SNTG1: variants seen among roughly 807,000 people sequenced by gnomAD.
The protein encoded by SNTG1 is gamma-1-syntrophin.
SNTG1 carries 39 observed loss-of-function variants against 74.7 expected under a neutral mutation model. The ratio of observed to expected loss-of-function variants is 0.52; its 90% CI spans 0.40 to 0.68. The LOEUF (loss-of-function observed/expected upper bound fraction) is 0.68. Among genes scored for constraint, SNTG1 ranks in the 30% least tolerant of loss-of-function variants. The pLI, the probability that SNTG1 is intolerant of heterozygous loss-of-function variation, is 0.00. For synonymous variants in SNTG1, 254 were observed against 217.1 expected (o/e 1.17, Z -1.49); for missense variants, 685 against 609.5 (o/e 1.12, Z -1.30).
intron 13 of SNTG1, among the ~76,000 whole-genome samples, chr8:50,598,597 T>A (rs2094748681): frequency 6.6e-6 from 1 of 152,018 alleles, no homozygotes; most frequent in African/African-American, 2.4e-5. Flanking sequence ...TGAACATTGC[T>A]TTAAAAAATC....
chr8:50,257,419 G>A (rs1322273420), intron 2 of SNTG1, among the ~76,000 whole-genome samples: 1 of 152,154 alleles, frequency 6.6e-6, no homozygotes, highest in Non-Finnish European at 1.5e-5. Flanking sequence ...GTGGTGCAGA[G>A]TTTCTGCCAA....
chr8:50,190,876 A>T (rs142363172), intron 2 of SNTG1, among the ~76,000 whole-genome samples: 1 of 152,144 alleles, frequency 6.6e-6, no homozygotes, highest in Non-Finnish European at 1.5e-5. Context: ...GCTAGAGCAT[A>T]TGAAGAAACA....
At chr8:50,188,142 A>G (rs940454285) in intron 2 of SNTG1, among the ~76,000 whole-genome samples, 1 of 152,156 alleles carries the variant, frequency 6.6e-6, no homozygotes, top group Non-Finnish European at 1.5e-5. Flanking sequence ...ATTCTCAAAG[A>G]ACACGAATAT....
intron 18 of SNTG1, among the ~76,000 whole-genome samples, chr8:50,784,729 AT>A (rs1015038806): frequency 6.6e-6 from 1 of 152,188 alleles, no homozygotes; most frequent in African/African-American, 2.4e-5. Context: ...AAGAACATAC[AT>A]TTTTAACTAA....
chr8:50,424,121 G>T (rs1339701684), intron 4 of SNTG1, among the ~76,000 whole-genome samples: 2 of 152,094 alleles, frequency 1.3e-5, no homozygotes, highest in African/African-American at 4.8e-5. Flanking sequence ...TGAATCAAAG[G>T]TTCCGGGAAT....
intron 18 of SNTG1, among the ~76,000 whole-genome samples, chr8:50,781,990 C>G (rs1042066192): frequency 2.6e-5 from 4 of 152,102 alleles, no homozygotes; most frequent in Non-Finnish European, 4.4e-5. Context: ...ATATGAAATT[C>G]TGGGTTGAAC....
Position 50,508,188 on chromosome 8 carries a change from G to A in SNTG1, c.466+5308G>A, listed in dbSNP as rs545662763. ...GCAGTGTTTGGTTTTTTGTCCTTGC[G>A]ATAATTTGCTGAGAATTTTATGGTT... On this transcript the variant is annotated intron_variant, in intron 9 of 18. Coordinates refer to ENST00000642720, the MANE Select transcript of SNTG1 (RefSeq NM_018967.5). Among the ~76,000 whole-genome samples, 8 of 152,170 alleles carry A rather than the reference G, an allele frequency of 5.3e-5. No homozygotes were observed. In the East Asian group the frequency reaches 5.8e-4, roughly 11 times the overall value.
chr8:50,631,294 C>T (rs886447309), intron 13 of SNTG1, among the ~76,000 whole-genome samples: 1 of 152,178 alleles, frequency 6.6e-6, no homozygotes, highest in African/African-American at 2.4e-5. Flanking sequence ...CATTTCCTCA[C>T]AGCACCATAA....
chr8:50,391,326 A>G (rs2092656010), intron 2 of SNTG1, among the ~76,000 whole-genome samples: 1 of 152,176 alleles, frequency 6.6e-6, no homozygotes, highest in African/African-American at 2.4e-5. Flanking sequence ...TTATTGAGAT[A>G]ATCACGTGGC....
chr8:50,423,609 T>C (rs578150899), intron 4 of SNTG1, among the ~76,000 whole-genome samples: 21 of 152,336 alleles, frequency 1.4e-4, no homozygotes, highest in African/African-American at 4.8e-4. Context: ...CAGAGAGATA[T>C]TGTGGATATA....
chr8:50,369,292 TG>T (rs530366781), intron 2 of SNTG1, among the ~76,000 whole-genome samples: 90 of 152,230 alleles, frequency 5.9e-4, no homozygotes, highest in Non-Finnish European at 1.1e-3. Context: ...ATAATATTGG[TG>T]TCCTTTAAGA....
intron 13 of SNTG1, among the ~76,000 whole-genome samples, chr8:50,639,956 A>G (rs2095062206): frequency 6.6e-6 from 1 of 152,112 alleles, no homozygotes; most frequent in African/African-American, 2.4e-5. Context: ...TCCTTCAGCC[A>G]CTTCTAGTTC....
chr8:49,976,675 A>C (rs760862414), intron 1 of SNTG1, among the ~76,000 whole-genome samples: 11 of 152,178 alleles, frequency 7.2e-5, no homozygotes, highest in Non-Finnish European at 1.5e-4. Context: ...CCAGGATTAG[A>C]AGAGTTAACA....
At chr8:50,058,617 C>T (rs1563533924) in intron 1 of SNTG1, among the ~76,000 whole-genome samples, 1 of 152,090 alleles carries the variant, frequency 6.6e-6, no homozygotes, top group Non-Finnish European at 1.5e-5. Context: ...CCTGAGTACA[C>T]TTTAAACAAT....
At chr8:50,773,279 G>C (rs1265986603) in intron 18 of SNTG1, among the ~76,000 whole-genome samples, 3 of 152,094 alleles carry the variant, frequency 2.0e-5, no homozygotes, top group Non-Finnish European at 2.9e-5. Flanking sequence ...TTCCAATGAG[G>C]GTCTTTTAGA....
At chr8:50,055,581 A>G (rs1393795591) in intron 1 of SNTG1, among the ~76,000 whole-genome samples, 1 of 152,024 alleles carries the variant, frequency 6.6e-6, no homozygotes, top group Non-Finnish European at 1.5e-5. Flanking sequence ...CTGAATCTCA[A>G]TTTCCTCATT....
intron 4 of SNTG1, among the ~76,000 whole-genome samples, chr8:50,412,538 A>G (rs1351880500): frequency 1.3e-5 from 2 of 152,216 alleles, no homozygotes; most frequent in East Asian, 1.9e-4. Flanking sequence ...TCTCTGGCAC[A>G]TAGTAGGAGC....
chr8:50,619,725 C>A (rs1292609381), intron 13 of SNTG1, among the ~76,000 whole-genome samples: 2 of 137,672 alleles, frequency 1.5e-5, no homozygotes, highest in African/African-American at 5.8e-5. Context: ...AGCGAGACTC[C>A]GTCTCGAAAA....
At chr8:50,419,440 G>A (rs992159683) in intron 4 of SNTG1, among the ~76,000 whole-genome samples, 3 of 152,126 alleles carry the variant, frequency 2.0e-5, no homozygotes, top group African/African-American at 7.2e-5. Flanking sequence ...ATGGAGCAAG[G>A]CCAACAACAA....
Sources: allele counts gnomAD v4.1 joint callset (sites outside exome capture counted in the v4.1 genomes callset), GRCh38; gene constraint gnomAD v4.1.1; transcripts MANE v1.5; gene names NCBI Gene and HGNC (gene_info 2026-07-23, HGNC 2026-07-21).